COL6A5: variants seen among roughly 807,000 people sequenced by gnomAD.
COL6A5 encodes collagen alpha-5(VI) chain.
In COL6A5, 48 loss-of-function variants were observed where a neutral mutation model predicts 65.6. The ratio of observed to expected loss-of-function variants is 0.73; its 90% CI spans 0.58 to 0.93. The LOEUF is 0.93. Among genes scored for constraint, COL6A5 ranks in the 40% least tolerant of loss-of-function variants. COL6A5 has a pLI of 0.00. For missense variants in COL6A5, 914 were observed against 928.3 expected, an observed-to-expected ratio of 0.98 and a Z score of 0.20; for synonymous variants, 291 against 322.8, an observed-to-expected ratio of 0.90 and a Z score of 1.05.
chr3:130,443,938 C>T (rs1249088681), intron 4 of COL6A5, among the ~76,000 whole-genome samples: 1 of 152,158 alleles, frequency 6.6e-6, no homozygotes, highest in Admixed American at 6.6e-5. Context: ...TTCCATTTCA[C>T]ACTGCCTGGG....
chr3:130,370,389 G>A (rs1935509414), intron 1 of COL6A5, among the ~76,000 whole-genome samples: 1 of 152,174 alleles, frequency 6.6e-6, no homozygotes, highest in African/African-American at 2.4e-5. Context: ...TAGAAAGAGT[G>A]GCTTCCCCTG....
intron 4 of COL6A5, among the ~76,000 whole-genome samples, chr3:130,453,701 C>T (rs1000870132): frequency 2.0e-5 from 3 of 152,046 alleles, no homozygotes; most frequent in Non-Finnish European, 4.4e-5. Flanking sequence ...TGTGCTTCTT[C>T]GAGCTTAGAT....
chr3:130,399,957 ATGT>A (rs1207039423), intron 10 of COL6A5, among the ~76,000 whole-genome samples: 3 of 150,492 alleles, frequency 2.0e-5, no homozygotes, highest in Non-Finnish European at 3.0e-5. Context: ...GGGTTTTTCC[ATGT>A]TGTTGACCAG....
At chr3:130,348,732 C>T (rs1934593052) in intron 1 of COL6A5, among the ~76,000 whole-genome samples, 1 of 152,168 alleles carries the variant, frequency 6.6e-6, no homozygotes, top group Non-Finnish European at 1.5e-5. Context: ...AATTTATACT[C>T]CCACCAACAG....
At chr3:130,388,015 T>C (rs1936259868) in intron 5 of COL6A5, among the ~76,000 whole-genome samples, 1 of 151,938 alleles carries the variant, frequency 6.6e-6, no homozygotes, top group Non-Finnish European at 1.5e-5. Flanking sequence ...AAAGGAACAG[T>C]CCATGTTGAA....
At chr3:130,437,980 T>G (rs779337171) in intron 1 of COL6A5, among the ~76,000 whole-genome samples, 1 of 151,572 alleles carries the variant, frequency 6.6e-6, no homozygotes, top group Non-Finnish European at 1.5e-5. Context: ...GATAGAGGGG[T>G]TTTTTTTGTT....
At chr3:130,404,094 G>T (rs1936906742) in intron 13 of COL6A5, among the ~76,000 whole-genome samples, 1 of 152,162 alleles carries the variant, frequency 6.6e-6, no homozygotes, top group Non-Finnish European at 1.5e-5. Flanking sequence ...ACATGGCTTT[G>T]GGCCAAGGCT....
intron 13 of COL6A5, 56 bp downstream of exon 13, chr3:130,403,718 C>A: frequency 8.1e-7 from 1 of 1,238,356 alleles, no homozygotes; most frequent in Non-Finnish European, 1.1e-6. Flanking sequence ...TACACACACA[C>A]ACACACACAC....
intron 1 of COL6A5, among the ~76,000 whole-genome samples, chr3:130,432,348 A>T (rs1173915617): frequency 6.6e-6 from 1 of 152,076 alleles, no homozygotes. Context: ...AGGTCAGGAG[A>T]TCGAGACCAT....
chr3:130,353,957 C>G (rs1414727347), intron 1 of COL6A5, among the ~76,000 whole-genome samples: 1 of 151,464 alleles, frequency 6.6e-6, no homozygotes, highest in African/African-American at 2.4e-5. Flanking sequence ...GAAAGCCTTC[C>G]CAAAGTAAAA....
upstream of COL6A5, among the ~76,000 whole-genome samples, chr3:130,429,402 T>C (rs1353660002): frequency 1.3e-5 from 2 of 152,252 alleles, no homozygotes; most frequent in African/African-American, 4.8e-5. Context: ...AATAAAATTC[T>C]GTTGACATCT....
chr3:130,480,149 C>T (rs1710199433), intron 7 of COL6A5, among the ~76,000 whole-genome samples: 1 of 151,826 alleles, frequency 6.6e-6, no homozygotes, highest in Admixed American at 6.6e-5. Context: ...TTAAATCTTG[C>T]CTTACTCTAG....
At chr3:130,422,979 A>G (rs569651781) in intron 28 of COL6A5, among the ~76,000 whole-genome samples, 197 bp downstream of exon 28, 1 of 152,254 alleles carries the variant, frequency 6.6e-6, no homozygotes, top group African/African-American at 2.4e-5. Context: ...ATCTAAGGTC[A>G]CATTCAGCTC....
intron 6 of COL6A5, 37 bp from the exon 7 acceptor site, chr3:130,391,142 C>A: frequency 6.8e-7 from 1 of 1,461,732 alleles, no homozygotes. Context: ...GAATGCACTG[C>A]AGAAAGTTTG....
chr3:130,380,991 A>G (rs922382892), intron 4 of COL6A5, among the ~76,000 whole-genome samples: 2 of 152,124 alleles, frequency 1.3e-5, no homozygotes, highest in Non-Finnish European at 2.9e-5. Flanking sequence ...GGCTCCAGGC[A>G]TCACCCTCAC....
chr3:130,364,111 A>G (rs182938453), intron 1 of COL6A5, among the ~76,000 whole-genome samples: 1 of 152,336 alleles, frequency 6.6e-6, no homozygotes, highest in East Asian at 1.9e-4. Context: ...TAATCGTTGC[A>G]CTGGGACCAC....
chr3:130,372,800 T>C (rs180972345), intron 1 of COL6A5, among the ~76,000 whole-genome samples: 86 of 152,282 alleles, frequency 5.6e-4, no homozygotes, highest in African/African-American at 2.0e-3. Flanking sequence ...TTCCAATGAT[T>C]CTATCAATCT....
chr3:130,354,213 C>T (rs965579133), intron 1 of COL6A5, among the ~76,000 whole-genome samples: 2 of 152,054 alleles, frequency 1.3e-5, no homozygotes, highest in African/African-American at 4.8e-5. Context: ...ATAAATTACA[C>T]TAGCTGTATA....
At chr3:130,354,005 T>G (rs1163457903) in intron 1 of COL6A5, among the ~76,000 whole-genome samples, 1 of 151,070 alleles carries the variant, frequency 6.6e-6, no homozygotes, top group African/African-American at 2.4e-5. Flanking sequence ...CTCACCATGT[T>G]CTGGATAAGG....
Sources: gnomAD v4.1 joint callset for allele counts (sites outside exome capture counted in the v4.1 genomes callset) on GRCh38, gnomAD v4.1.1 for gene constraint, MANE v1.5 for transcripts, NCBI Gene and HGNC (gene_info 2026-07-23, HGNC 2026-07-21) for gene names.